NEU4: variants seen among roughly 807,000 people sequenced by gnomAD.
NEU4 encodes neuraminidase 4, also known as sialidase-4.
A neutral mutation model predicts 9.9 loss-of-function variants in NEU4; 7 were observed. The ratio of observed to expected loss-of-function variants is 0.71; its 90% CI spans 0.40 to 1.33. The LOEUF (loss-of-function observed/expected upper bound fraction) is 1.33. Among genes scored for constraint, NEU4 ranks in the 40% most tolerant of loss-of-function variants. The pLI is 0.01. For synonymous variants in NEU4, 348 were observed against 316.9 expected (o/e 1.10, Z -1.04); for missense variants, 717 against 712.6 (o/e 1.01, Z -0.07).
rs527686081 is a variant in NEU4, at chr2:241,817,201, G to T, written c.*153G>T. The stretch of plus-strand genomic sequence containing the variant: ...TCCTCAGAGCTCTCAAGCAGGGACT[G>T]CTCTTTAGGAAGGGGAGCAGCGGCT... On this transcript the variant is annotated 3_prime_UTR_variant, in exon 4 of 4. Coordinates refer to ENST00000407683, the MANE Select transcript of NEU4 (RefSeq NM_001167600.3). The T allele has an allele frequency of 2.0e-5, 16 of 799,286 alleles. 1 individual carries two copies. In the African/African-American group the frequency reaches 2.8e-4, roughly 14 times the overall value. 49.5% of individuals were successfully genotyped at this position (799,286 alleles called of 1,614,324 possible). A position where few individuals can be genotyped will look rare whatever the true frequency, so the allele number is the denominator to read the frequency against.
intron 1 of NEU4, chr2:241,811,518 G>A (rs1700116192): frequency 2.1e-6 from 3 of 1,415,006 alleles, no homozygotes; most frequent in South Asian, 1.5e-5. Context: ...GGGCGCCCGG[G>A]GTCAGGACCC....
chr2:241,811,032 AC>A, intron 1 of NEU4: 2 of 1,067,946 alleles, frequency 1.9e-6, no homozygotes, highest in Non-Finnish European at 2.3e-6. Flanking sequence ...GAGGCCCCGC[AC>A]CCGGGAAGCC....
rs1240613288 is a variant in NEU4, at chr2:241,816,382, A to G, written c.789A>G (p.Ala263=). The part of the protein sequence containing the change: ...STDEGTSFLP[A]ERVASLPETA... ...ACGAGGGCACCTCCTTCCTGCCCGC[A>G]GAGCGCGTGGCTTCCCTGCCCGAGA... Residue 263 remains alanine, a synonymous_variant, in exon 4 of 4, where the codon GCA becomes GCG. Transcript: ENST00000407683. 2 of 1,597,152 alleles carry G rather than the reference A, an allele frequency of 1.3e-6. No individual in the cohort carries two copies. Among genetic ancestry groups the G allele is most frequent in the African/African-American group, 2.7e-5 (2 of 74,604 alleles).
At chr2:241,815,794 G>T in intron 3 of NEU4, 1 of 591,164 alleles carries the variant, frequency 1.7e-6, no homozygotes, top group African/African-American at 1.9e-5. Flanking sequence ...CCTGCCCTCC[G>T]CTCTCTCTGT....
Position 241,814,430 on chromosome 2 carries a change from T to C in NEU4, c.-3-52T>C, listed in dbSNP as rs1700230516. On this transcript the variant is annotated intron_variant, in intron 1 of 3. Coordinates refer to ENST00000407683, the MANE Select transcript of NEU4 (RefSeq NM_001167600.3). ...CCCCAGTCCAGACCGGGAGCGAGTG[T>C]GGGGCTCCCTGGGCCTGTCTTGCTG... 3 of 1,553,312 alleles carry C rather than the reference T, an allele frequency of 1.9e-6. No homozygotes were observed. In the East Asian group the frequency reaches 6.8e-5, roughly 35 times the overall value.
intron 3 of NEU4, chr2:241,815,501 G>A (rs1378747187): frequency 1.3e-5 from 7 of 522,208 alleles, no homozygotes; most frequent in East Asian, 6.0e-5. Flanking sequence ...TGGCTGACCC[G>A]ACTCTCTCTC....
chr2:241,810,803 CGTG>C (rs1700090145), intron 1 of NEU4: 1 of 344,784 alleles, frequency 2.9e-6, no homozygotes, highest in Non-Finnish European at 4.0e-6. Context: ...GGCAGGCCAG[CGTG>C]AATGGGACTG....
In NEU4 at chr2:241,816,132, G is replaced by A. The variant is rs1242690915; in HGVS notation, c.539G>A (p.Arg180His). ...GRLLVPAYTY[R>H]VDRRECFGKI... Reference sequence around the variant, plus strand: ...CTGCTGGTACCCGCCTACACCTACCGCGTGGACCGCCGAGAGTGTTTTGGC... The same window carrying A: ...CTGCTGGTACCCGCCTACACCTACCACGTGGACCGCCGAGAGTGTTTTGGC... The change falls in exon 4 of 4, where the codon CGC becomes CAC. Residue 180 changes from arginine (R) to histidine (H), a missense_variant. Arg to His is a conservative substitution (Grantham distance 29). Coordinates refer to ENST00000407683, the MANE Select transcript of NEU4 (RefSeq NM_001167600.3). 10 of 1,611,922 alleles carry A rather than the reference G, an allele frequency of 6.2e-6. No homozygotes were observed. The highest frequency in any genetic ancestry group is 5.3e-5 in the African/African-American group (4 of 74,930).
chr2:241,810,157 A>G (rs987337806), intron 1 of NEU4, among the ~76,000 whole-genome samples: 1 of 152,154 alleles, frequency 6.6e-6, no homozygotes, highest in Non-Finnish European at 1.5e-5. Flanking sequence ...ACGATGGCCA[A>G]GTTGCCTGGA....
At chr2:241,813,188 AGTGTTGCGCCTTTACCCGG>A in intron 1 of NEU4, 1 of 327,432 alleles carries the variant, frequency 3.1e-6, no homozygotes, top group Non-Finnish European at 4.4e-6. Flanking sequence ...GTTTTACACG[AGTGTTGCGCCTTTACCCGG>A]GTCTCTGTCA....
chr2:241,812,989 C>T (rs1700179269), intron 1 of NEU4, among the ~76,000 whole-genome samples: 1 of 152,208 alleles, frequency 6.6e-6, no homozygotes, highest in Admixed American at 6.5e-5. Context: ...CCTTTGAGAG[C>T]AGAGCCAGGG....
rs1700122593 is a variant in NEU4, at chr2:241,811,739, T to TG, written c.-4+2470dup. 4 of 381,180 alleles carry TG rather than the reference T, an allele frequency of 1.0e-5. No individual in the cohort carries two copies. The East Asian group carries it at 1.5e-4, about 14-fold the overall frequency. The allele number at this position is 381,180 out of a possible 1,614,324, so 23.6% of individuals were successfully genotyped here. The stretch of plus-strand genomic sequence containing the variant: ...GGGTGGGTGTGACACTGAGGGTTCC[T>TG]GGGGGCAGATTCAGGGCATGGGATG... On this transcript the variant is annotated intron_variant, in intron 1 of 3. Transcript: ENST00000407683.
intron 1 of NEU4, chr2:241,811,416 G>C: frequency 6.4e-7 from 1 of 1,555,784 alleles, no homozygotes; most frequent in South Asian, 1.2e-5. Flanking sequence ...TGGGTCAGGC[G>C]AGGCAGCCAC....
chr2:241,814,738 G>A, intron 2 of NEU4, 53 bp downstream of exon 2: 1 of 1,514,584 alleles, frequency 6.6e-7, no homozygotes, highest in Admixed American at 2.0e-5. Flanking sequence ...ATCTGCTGGG[G>A]CTGCACACCC....
At chr2:241,815,250 A>G in intron 3 of NEU4, 103 bp downstream of exon 3, 1 of 1,364,548 alleles carries the variant, frequency 7.3e-7, no homozygotes, top group Non-Finnish European at 9.7e-7. Flanking sequence ...CCCTGTCTCC[A>G]GCCACAAGGG....
chr2:241,815,217 G>A (rs567810129), intron 3 of NEU4, 70 bp downstream of exon 3: 51 of 1,457,942 alleles, frequency 3.5e-5, no homozygotes, highest in African/African-American at 1.1e-4. Flanking sequence ...AGATTCCAGC[G>A]GGAAATTGCC....
rs139056346 is a variant in NEU4, at chr2:241,814,906, C to T, written c.216C>T (p.His72=). ...CCTCTGGGCAGTGGGGTGCCCTGCA[C>T]GTGCTGGGGACAGCAGCCCTGGCGG... is the stretch of plus-strand genomic sequence containing the variant. ...AGGSVRWGAL[H]VLGTAALAEH... The change falls in exon 3 of 4, where the codon CAC becomes CAT. Residue 72 remains histidine (H), a synonymous_variant. Transcript: ENST00000407683. 489 of 1,610,368 alleles carry T rather than the reference C, an allele frequency of 3.0e-4. No individual in the cohort carries two copies. In the African/African-American group the frequency reaches 5.2e-3, roughly 17 times the overall value.
rs369447382 is a variant in NEU4 at position 241,816,104 on chromosome 2, C to T, written c.511C>T (p.Arg171Cys). ...CCACGGTGTGCAGCTGCCCTCAGGC[C>T]GCCTGCTGGTACCCGCCTACACCTA... ...PGHGVQLPSG[R>C]LLVPAYTYRV... Residue 171 changes from arginine (R) to cysteine (C), a missense_variant, in exon 4 of 4, where the codon CGC becomes TGC. Arg to Cys is a radical substitution (Grantham distance 180, BLOSUM62 -3). Transcript: ENST00000407683. The T allele has an allele frequency of 5.9e-5, 95 of 1,610,760 alleles. 1 individual carries two copies. In the South Asian group the frequency reaches 6.2e-4, roughly 10 times the overall value.
Position 241,816,853 on chromosome 2 carries a change from C to A in NEU4, c.1260C>A (p.Ser420=). The change falls in exon 4 of 4, where the codon TCC becomes TCA. Residue 420 remains serine, a synonymous_variant. Coordinates refer to ENST00000407683, the MANE Select transcript of NEU4 (RefSeq NM_001167600.3). ...TCTACGAGGGCCCCAGCGGCTACTC[C>A]GACCTGGCGTCCATCGGGCCGGCCC... ...WVIYEGPSGY[S]DLASIGPAPE... is the part of the protein sequence containing the mutation. 1 of 1,611,460 alleles carries A rather than the reference C, an allele frequency of 6.2e-7. No homozygotes were observed. Among genetic ancestry groups the A allele is most frequent in the Non-Finnish European group, 8.5e-7 (1 of 1,179,484 alleles).
Sources: allele counts gnomAD v4.1 joint callset (sites outside exome capture counted in the v4.1 genomes callset), GRCh38; gene constraint gnomAD v4.1.1; transcripts MANE v1.5; gene names NCBI Gene and HGNC (gene_info 2026-07-23, HGNC 2026-07-21).